The following PACRG variants were observed in gnomAD, a reference collection of about 807,000 sequenced individuals.
PACRG encodes parkin coregulated gene protein.
A neutral mutation model predicts 29.7 loss-of-function variants in PACRG; 29 were observed. That is an observed-to-expected ratio of 0.98 (90% CI 0.73 to 1.33). The LOEUF is 1.33. Ranked by LOEUF, PACRG falls within the 40% of genes most tolerant of loss-of-function variation. The pLI is 0.00. For missense variants in PACRG, 279 were observed against 316.2 expected (o/e 0.88, Z 0.89); for synonymous variants, 116 against 118.7 (o/e 0.98, Z 0.15).
chr6:162,994,545 G>C (rs1350739358), intron 2 of PACRG, among the ~76,000 whole-genome samples: 1 of 151,974 alleles, frequency 6.6e-6, no homozygotes, highest in Non-Finnish European at 1.5e-5. Context: ...GGCTCTTGAG[G>C]CTTCTGCATT....
At chr6:163,073,416 T>C (rs560646460) in intron 3 of PACRG, among the ~76,000 whole-genome samples, 2 of 152,282 alleles carry the variant, frequency 1.3e-5, no homozygotes, top group South Asian at 4.1e-4. Context: ...TCTCTCACCA[T>C]ATACAAAAAT....
chr6:162,822,084 A>G (rs1787892198), intron 2 of PACRG, among the ~76,000 whole-genome samples: 1 of 152,210 alleles, frequency 6.6e-6, no homozygotes, highest in South Asian at 2.1e-4. Flanking sequence ...TAAGGAACTC[A>G]AAGGAACATT....
intron 2 of PACRG, among the ~76,000 whole-genome samples, chr6:162,934,286 AAAAG>A (rs1258762493): frequency 2.0e-5 from 3 of 152,096 alleles, no homozygotes; most frequent in Non-Finnish European, 4.4e-5. Flanking sequence ...ATAAATGAAA[AAAAG>A]AGAATGAGAA....
At chr6:162,759,752 A>T (rs1178434680) in intron 1 of PACRG, among the ~76,000 whole-genome samples, 6 of 152,200 alleles carry the variant, frequency 3.9e-5, no homozygotes, top group African/African-American at 1.4e-4. Flanking sequence ...GGGTGATTAT[A>T]TAGGAACTAT....
intron 2 of PACRG, among the ~76,000 whole-genome samples, chr6:162,911,585 C>A (rs773564515): frequency 2.0e-5 from 3 of 152,158 alleles, no homozygotes; most frequent in Admixed American, 6.5e-5. Context: ...CTTTGTAGGT[C>A]TCCCCTGGGG....
chr6:163,286,247 G>A (rs116218448), intron 4 of PACRG, among the ~76,000 whole-genome samples: 1,659 of 152,238 alleles, frequency 0.011, 33 homozygotes, highest in African/African-American at 0.038. Flanking sequence ...TAAAACTGGC[G>A]TGAGTTGTCC....
At chr6:162,954,496 T>G (rs1799877244) in intron 2 of PACRG, among the ~76,000 whole-genome samples, 1 of 151,048 alleles carries the variant, frequency 6.6e-6, no homozygotes, top group South Asian at 2.1e-4. Context: ...CTCTAAATAT[T>G]TAAACATTAT....
At chr6:163,117,426 T>C (rs1376313230) in intron 4 of PACRG, among the ~76,000 whole-genome samples, 1 of 151,892 alleles carries the variant, frequency 6.6e-6, no homozygotes, top group Non-Finnish European at 1.5e-5. Context: ...ATCAGAAAGG[T>C]CATGAAAGGA....
chr6:163,153,270 A>G (rs1007613914), intron 4 of PACRG, among the ~76,000 whole-genome samples: 2 of 152,194 alleles, frequency 1.3e-5, no homozygotes. Context: ...GATCTGATCA[A>G]TAAACTCTAC....
chr6:163,283,302 C>T (rs1425520795), intron 4 of PACRG, among the ~76,000 whole-genome samples: 1 of 152,174 alleles, frequency 6.6e-6, no homozygotes, highest in Non-Finnish European at 1.5e-5. Flanking sequence ...CCAAAAAGCG[C>T]TTAACTCGAA....
chr6:162,960,188 AG>A (rs1800492809), intron 2 of PACRG, among the ~76,000 whole-genome samples: 1 of 152,258 alleles, frequency 6.6e-6, no homozygotes, highest in African/African-American at 2.4e-5. Context: ...CACTGTGGAA[AG>A]CAGTTTGGAG....
chr6:163,222,094 C>T (rs1249242223), intron 4 of PACRG, among the ~76,000 whole-genome samples: 4 of 145,966 alleles, frequency 2.7e-5, no homozygotes, highest in Admixed American at 2.1e-4. Flanking sequence ...GACCAAATGA[C>T]AAAAAACTGT....
intron 2 of PACRG, among the ~76,000 whole-genome samples, chr6:162,873,649 A>G (rs906794201): frequency 1.3e-5 from 2 of 152,140 alleles, no homozygotes; most frequent in Non-Finnish European, 2.9e-5. Context: ...TTAGAGCCCA[A>G]CTAGATCCTA....
At chr6:163,139,199 TGGCCACACCACGCAAGTC>T (rs901214097) in intron 4 of PACRG, among the ~76,000 whole-genome samples, 8 of 152,266 alleles carry the variant, frequency 5.3e-5, no homozygotes, top group African/African-American at 1.9e-4. Flanking sequence ...GCTTGGCTTG[TGGCCACACCACGCAAGTC>T]CCTGCCTCGT....
intron 4 of PACRG, among the ~76,000 whole-genome samples, chr6:163,269,762 G>GAGAGAGAGAGAGAC (rs796202675): frequency 5.9e-5 from 3 of 51,254 alleles, no homozygotes; most frequent in Admixed American, 1.8e-4. Flanking sequence ...GAGAGAGAGA[G>GAGAGAGAGAGAGAC]AGACAGACAG....
At chr6:162,767,718 AT>A (rs1408951113) in intron 1 of PACRG, among the ~76,000 whole-genome samples, 2 of 151,892 alleles carry the variant, frequency 1.3e-5, no homozygotes, top group African/African-American at 4.8e-5. Context: ...TTCTATGACT[AT>A]TTTTAAAAAT....
At chr6:162,773,838 A>C (rs985674867) in intron 1 of PACRG, among the ~76,000 whole-genome samples, 3 of 152,134 alleles carry the variant, frequency 2.0e-5, no homozygotes, top group Non-Finnish European at 2.9e-5. Context: ...ATCAGCATAT[A>C]AATGTAAAGA....
At chr6:162,958,886 G>T (rs971944489) in intron 2 of PACRG, among the ~76,000 whole-genome samples, 637 of 17,276 alleles carry the variant, frequency 0.037, 2 homozygotes, top group Non-Finnish European at 0.047. Flanking sequence ...TATATATATA[G>T]AGAGAGAGAG....
At chr6:163,146,380 G>T (rs1260547865) in intron 4 of PACRG, among the ~76,000 whole-genome samples, 2 of 152,196 alleles carry the variant, frequency 1.3e-5, no homozygotes, top group Non-Finnish European at 2.9e-5. Flanking sequence ...TCTGAATTAT[G>T]AGTTATTCAG....
Sources: allele counts gnomAD v4.1 joint callset (sites outside exome capture counted in the v4.1 genomes callset), GRCh38; gene constraint gnomAD v4.1.1; transcripts MANE v1.5; gene names NCBI Gene and HGNC (gene_info 2026-07-23, HGNC 2026-07-21).